Variants in TUBD1 observed in about 807,000 individuals in gnomAD.
The protein encoded by TUBD1 is tubulin delta 1, also known as tubulin delta chain.
TUBD1 carries 38 observed loss-of-function variants against 51.2 expected under a neutral mutation model. The observed-to-expected ratio is 0.74, with a 90% CI of 0.57 to 0.97. TUBD1 has a LOEUF of 0.97. TUBD1 is among the 50% of genes least tolerant of loss of function. The pLI, the probability that TUBD1 is intolerant of heterozygous loss-of-function variation, is 0.00. For synonymous variants in TUBD1, 169 were observed against 178.2 expected, an observed-to-expected ratio of 0.95 and a Z score of 0.41; for missense variants, 489 against 538.4, an observed-to-expected ratio of 0.91 and a Z score of 0.91.
At chr17:59,875,825 A>G (rs1307186191) in intron 5 of TUBD1, among the ~76,000 whole-genome samples, 4 of 152,146 alleles carry the variant, frequency 2.6e-5, no homozygotes, top group Non-Finnish European at 5.9e-5. Flanking sequence ...GAATGTGCCT[A>G]TCTTTAGAAA....
chr17:59,865,240 T>C (rs769241921), intron 7 of TUBD1, among the ~76,000 whole-genome samples: 1 of 152,022 alleles, frequency 6.6e-6, no homozygotes. Context: ...AAACTTGCCA[T>C]AGAAAAACAA....
chr17:59,866,053 C>A (rs1018732499), intron 7 of TUBD1, among the ~76,000 whole-genome samples: 1 of 141,946 alleles, frequency 7.0e-6, no homozygotes, highest in South Asian at 2.2e-4. Flanking sequence ...GGAGGTTGCA[C>A]TGAGCCAAGA....
At chr17:59,868,612 G>C (rs1200851311) in intron 6 of TUBD1, among the ~76,000 whole-genome samples, 1 of 152,098 alleles carries the variant, frequency 6.6e-6, no homozygotes, top group Non-Finnish European at 1.5e-5. Flanking sequence ...GGCAGAGGGG[G>C]GGGATCACGA....
At chr17:59,884,151 C>G (rs1234608267) in intron 3 of TUBD1, among the ~76,000 whole-genome samples, 1 of 151,756 alleles carries the variant, frequency 6.6e-6, no homozygotes, top group Non-Finnish European at 1.5e-5. Flanking sequence ...GTCCTACCTA[C>G]TCGGGAGACT....
At position 59,892,908 on chromosome 17, in the gene TUBD1, T is replaced by C. The variant is rs1360357118; in HGVS notation, c.-251A>G. ...TTACGAACTTCAGATATGGTACGCA[T>C]GCTCACTGTCCACCGAACGCTCCAG... is the stretch of plus-strand genomic sequence containing the variant. On this transcript the variant is annotated 5_prime_UTR_variant, in exon 1 of 9. The change abolishes an upstream ATG in the 5' untranslated region. Transcript: ENST00000325752. The C allele has an allele frequency of 1.7e-5, 8 of 465,914 alleles. No homozygotes were observed. Among genetic ancestry groups the C allele is most frequent in the Non-Finnish European group, 3.1e-5 (8 of 256,054 alleles). The allele number at this position is 465,914 out of a possible 1,614,324, so 28.9% of individuals were successfully genotyped here.
At chr17:59,871,316 T>C (rs953051222) in intron 6 of TUBD1, among the ~76,000 whole-genome samples, 4 of 152,046 alleles carry the variant, frequency 2.6e-5, no homozygotes, top group African/African-American at 7.2e-5. Flanking sequence ...TCTCCTGCCT[T>C]AGCCTCCTGA....
chr17:59,864,028 G>A (rs577141902), intron 7 of TUBD1, among the ~76,000 whole-genome samples, 181 bp from the exon 8 acceptor site: 2 of 151,794 alleles, frequency 1.3e-5, no homozygotes, highest in Admixed American at 6.6e-5. Context: ...GATTGCTCGA[G>A]CCCAGGAGTT....
chr17:59,874,641 G>C lies in TUBD1; in HGVS notation c.832C>G (p.Pro278Ala), dbSNP rs748198228. Residue 278 changes from proline to alanine, a missense_variant, in exon 6 of 9, where the codon CCT (proline) becomes GCT (alanine). Coordinates refer to ENST00000325752, the MANE Select transcript of TUBD1 (RefSeq NM_016261.4). ...EFKMLSVRNI[P>A]HMSENSLAYT... ...GCCAATGAATTCTCAGACATGTGAG[G>C]AATGTTACGAACACTCAGCATCTTG... The C allele has an allele frequency of 1.2e-6, 2 of 1,613,690 alleles. No homozygotes were observed. The highest frequency in any genetic ancestry group is 2.2e-5 in the South Asian group (2 of 91,006).
chr17:59,880,127 A>G (rs1054902968), intron 4 of TUBD1, among the ~76,000 whole-genome samples: 3 of 151,194 alleles, frequency 2.0e-5, no homozygotes, highest in Non-Finnish European at 4.4e-5. Flanking sequence ...GCGGGATATC[A>G]GCTCACTGCA....
At chr17:59,885,575 G>C (rs2040686177) in intron 3 of TUBD1, 1 of 1,267,722 alleles carries the variant, frequency 7.9e-7, no homozygotes, top group Non-Finnish European at 1.1e-6. Context: ...GTGGGCTTTT[G>C]TGCCCTCTAA....
In TUBD1 at chr17:59,886,124, G is replaced by A. The variant is rs1431681228; in HGVS notation, c.279C>T (p.Cys93=). 7.4e-6 allele frequency: 12 copies of A among 1,613,890 alleles called. No individual in the cohort carries two copies. The highest frequency in any genetic ancestry group is 1.1e-5 in the South Asian group (1 of 91,068). Residue 93 remains cysteine, a synonymous_variant, in exon 3 of 9, where the codon TGC becomes TGT. Transcript: ENST00000325752. ...TTCCAGAACCTTGTTTTTGACAGAA[G>A]CATGCATGTTGACCATATTTCCATT... ...SGQWKYGQHA[C]FCQKQGSGNN...
intron 6 of TUBD1, among the ~76,000 whole-genome samples, chr17:59,872,694 A>ATGTGTGTGTG (rs60720420): frequency 0.043 from 6,124 of 142,512 alleles, 262 homozygotes; most frequent in African/African-American, 0.099. Flanking sequence ...GAAAATGGGA[A>ATGTGTGTGTG]TGTGTGTGTG....
chr17:59,873,311 G>A (rs1568299063), intron 6 of TUBD1, among the ~76,000 whole-genome samples: 1 of 151,034 alleles, frequency 6.6e-6, no homozygotes, highest in Non-Finnish European at 1.5e-5. Context: ...GTGCAGTTGT[G>A]TGATCACAGC....
rs1480729769 is a variant in TUBD1, at chr17:59,876,528, A to AT, written c.769+1574dup. On this transcript the variant is annotated intron_variant, in intron 5 of 8. Transcript: ENST00000325752. ...TGCCACCATGCCTGGCTAATTTTGT[A>AT]TTTTTTTTAGTAGAGACAGTGTTTC... Among the ~76,000 whole-genome samples, 4 of 150,048 alleles carry AT rather than the reference A, an allele frequency of 2.7e-5. No individual in the cohort carries two copies. In the East Asian group the frequency reaches 5.9e-4, roughly 22 times the overall value.
intron 1 of TUBD1, among the ~76,000 whole-genome samples, chr17:59,892,171 A>T (rs1350352176): frequency 1.3e-5 from 2 of 152,212 alleles, no homozygotes; most frequent in Non-Finnish European, 1.5e-5. Context: ...TGGTAACTTT[A>T]GTAAGACCTG....
At position 59,867,214 on chromosome 17, in the gene TUBD1, C is replaced by T. The variant is rs2039748507; in HGVS notation, c.935-465G>A. Among the ~76,000 whole-genome samples the T allele has an allele frequency of 5.3e-5, 8 of 152,032 alleles. 1 individual carries two copies. The South Asian group carries it at 1.7e-3, about 32-fold the overall frequency. ...TCGCTATGTCACCCAGGCTGGAGTG[C>T]AGTGGCTATTCACAGGTGTGATCAT... On this transcript the variant is annotated intron_variant, in intron 6 of 8. Coordinates refer to ENST00000325752, the MANE Select transcript of TUBD1 (RefSeq NM_016261.4).
chr17:59,890,772 C>A, intron 2 of TUBD1, 59 bp downstream of exon 2: 1 of 1,400,346 alleles, frequency 7.1e-7, no homozygotes, highest in Non-Finnish European at 9.5e-7. Flanking sequence ...TGTGGAAGGC[C>A]TGGCTTTGAA....
chr17:59,860,957 C>G (rs183118251), intron 8 of TUBD1, among the ~76,000 whole-genome samples: 1 of 151,662 alleles, frequency 6.6e-6, no homozygotes, highest in East Asian at 1.9e-4. Context: ...GAGAGGCACC[C>G]GGGAAAGAGC....
chr17:59,891,481 A>T (rs573534295), intron 1 of TUBD1, among the ~76,000 whole-genome samples: 1 of 152,308 alleles, frequency 6.6e-6, no homozygotes, highest in East Asian at 1.9e-4. Context: ...TATTGGAGAT[A>T]GAACAGCTGT....
Sources: gnomAD v4.1 joint callset for allele counts (sites outside exome capture counted in the v4.1 genomes callset) on GRCh38, gnomAD v4.1.1 for gene constraint, MANE v1.5 for transcripts, NCBI Gene and HGNC (gene_info 2026-07-23, HGNC 2026-07-21) for gene names.